The following OTUD7A variants were observed in gnomAD, a reference collection of about 807,000 sequenced individuals.
The protein encoded by OTUD7A is OTU deubiquitinase 7A, also known as OTU domain-containing protein 7A.
A neutral mutation model predicts 65.7 loss-of-function variants in OTUD7A; 12 were observed. That is an observed-to-expected ratio of 0.18 (90% CI 0.12 to 0.30). OTUD7A has a LOEUF of 0.30. Among genes scored for constraint, OTUD7A ranks in the 10% least tolerant of loss-of-function variants. The pLI, the probability that OTUD7A is intolerant of heterozygous loss-of-function variation, is 1.00. For missense variants in OTUD7A, 1,148 were observed against 1,304.8 expected (o/e 0.88, Z 1.85); for synonymous variants, 641 against 586.3 (o/e 1.09, Z -1.35).
At chr15:31,752,807 A>T (rs1307703563) in intron 1 of OTUD7A, among the ~76,000 whole-genome samples, 2 of 152,162 alleles carry the variant, frequency 1.3e-5, no homozygotes, top group African/African-American at 4.8e-5. Flanking sequence ...TTTTGAAAAA[A>T]AAAATCTTTG....
chr15:31,843,921 G>A (rs1195219865), intron 1 of OTUD7A, among the ~76,000 whole-genome samples: 4 of 152,218 alleles, frequency 2.6e-5, no homozygotes, highest in Middle Eastern at 3.4e-3. Flanking sequence ...TACACGGTTC[G>A]CACTGTGAGG....
intron 1 of OTUD7A, among the ~76,000 whole-genome samples, chr15:31,672,422 A>G (rs2141297119): frequency 6.6e-6 from 1 of 152,340 alleles, no homozygotes; most frequent in Admixed American, 6.5e-5. Flanking sequence ...GATTCTTCCC[A>G]TGGGCCTAAA....
intron 1 of OTUD7A, among the ~76,000 whole-genome samples, chr15:31,769,105 T>C (rs1895164820): frequency 6.6e-6 from 1 of 152,242 alleles, no homozygotes; most frequent in East Asian, 1.9e-4. Context: ...AACAATATGC[T>C]TTCTCTATGA....
At chr15:31,709,979 T>C (rs928061461) in intron 1 of OTUD7A, among the ~76,000 whole-genome samples, 22 of 150,310 alleles carry the variant, frequency 1.5e-4, no homozygotes, top group African/African-American at 5.1e-4. Flanking sequence ...ACCCTATAAA[T>C]AGTCATGTTT....
chr15:31,756,673 CA>C, intron 1 of OTUD7A, among the ~76,000 whole-genome samples: 1 of 98,682 alleles, frequency 1.0e-5, no homozygotes, highest in Non-Finnish European at 2.4e-5. Context: ...CACACACACA[CA>C]CACACACACA....
chr15:31,595,684 T>G (rs1310003438), intron 3 of OTUD7A, among the ~76,000 whole-genome samples: 1 of 152,244 alleles, frequency 6.6e-6, no homozygotes, highest in Non-Finnish European at 1.5e-5. Context: ...TCAGCTGGCT[T>G]CTCTGCTCTG....
chr15:31,526,594 C>T (rs2042018112), intron 7 of OTUD7A, 133 bp from the exon 8 acceptor site: 1 of 625,364 alleles, frequency 1.6e-6, no homozygotes, highest in African/African-American at 1.9e-5. Flanking sequence ...CCAACTATAC[C>T]AACTGCACCC....
At chr15:31,504,006 T>C (rs931872592) in intron 8 of OTUD7A, among the ~76,000 whole-genome samples, 188 bp from the exon 9 acceptor site, 1 of 152,078 alleles carries the variant, frequency 6.6e-6, no homozygotes, top group African/African-American at 2.4e-5. Flanking sequence ...AGGTCCCAGC[T>C]CCCCTACCCC....
intron 3 of OTUD7A, among the ~76,000 whole-genome samples, chr15:31,606,212 GGTT>G (rs1890235076): frequency 6.6e-6 from 1 of 152,158 alleles, no homozygotes; most frequent in Admixed American, 6.5e-5. Context: ...AGATATGCAG[GGTT>G]GTTGTGAAAC....
intron 3 of OTUD7A, among the ~76,000 whole-genome samples, chr15:31,593,325 G>A (rs1340003650): frequency 2.6e-5 from 4 of 151,812 alleles, no homozygotes; most frequent in Admixed American, 6.6e-5. Context: ...ACTGAGACAC[G>A]TGCCCAGGTG....
chr15:31,490,312 C>A (rs1031538583), intron 10 of OTUD7A, among the ~76,000 whole-genome samples: 1 of 152,150 alleles, frequency 6.6e-6, no homozygotes, highest in Non-Finnish European at 1.5e-5. Context: ...TTTGAAAGGC[C>A]TCTTGTATGT....
At chr15:31,842,596 G>A (rs1298894373) in intron 1 of OTUD7A, among the ~76,000 whole-genome samples, 2 of 151,230 alleles carry the variant, frequency 1.3e-5, no homozygotes, top group African/African-American at 2.4e-5. Flanking sequence ...CACTGCACAG[G>A]CCAGTAATTA....
intron 3 of OTUD7A, among the ~76,000 whole-genome samples, chr15:31,617,216 C>G (rs925972323): frequency 1.3e-5 from 2 of 152,146 alleles, no homozygotes; most frequent in Admixed American, 1.3e-4. Context: ...TGGCCGGGTG[C>G]AGTGGCTCAC....
intron 1 of OTUD7A, among the ~76,000 whole-genome samples, chr15:31,731,193 T>A (rs1894032489): frequency 1.3e-5 from 2 of 152,188 alleles, no homozygotes; most frequent in African/African-American, 2.4e-5. Flanking sequence ...TCTTTTTACA[T>A]CCCTATGGAG....
intron 1 of OTUD7A, among the ~76,000 whole-genome samples, chr15:31,713,428 G>T (rs1225685608): frequency 6.6e-6 from 1 of 152,114 alleles, no homozygotes; most frequent in African/African-American, 2.4e-5. Flanking sequence ...AGACAAGCTT[G>T]GGCAACATGG....
chr15:31,854,425 G>T (rs1897513944), intron 1 of OTUD7A, among the ~76,000 whole-genome samples: 1 of 152,170 alleles, frequency 6.6e-6, no homozygotes, highest in African/African-American at 2.4e-5. Flanking sequence ...TCTCTGGGGG[G>T]TCATTATTCT....
At chr15:31,501,558 C>T in intron 10 of OTUD7A, 132 bp downstream of exon 10, 1 of 1,153,040 alleles carries the variant, frequency 8.7e-7, no homozygotes, top group Non-Finnish European at 1.2e-6. Flanking sequence ...AAAACTGTCA[C>T]TGCTGAGTGT....
intron 1 of OTUD7A, among the ~76,000 whole-genome samples, chr15:31,712,928 G>A (rs548865762): frequency 0.014 from 2,063 of 151,740 alleles, 18 homozygotes; most frequent in African/African-American, 0.048. Context: ...CAAAAATGAG[G>A]GAAATGATCC....
intron 1 of OTUD7A, among the ~76,000 whole-genome samples, chr15:31,843,084 C>G (rs1897222259): frequency 6.6e-6 from 1 of 151,908 alleles, no homozygotes; most frequent in African/African-American, 2.4e-5. Context: ...GACAGCCAGG[C>G]CTGGCTGCCC....
Sources: gnomAD v4.1 joint callset for allele counts (sites outside exome capture counted in the v4.1 genomes callset) on GRCh38, gnomAD v4.1.1 for gene constraint, MANE v1.5 for transcripts, NCBI Gene and HGNC (gene_info 2026-07-23, HGNC 2026-07-21) for gene names.